Variants in MACROD2 observed in about 807,000 individuals in gnomAD.
MACROD2 encodes the protein ADP-ribose glycohydrolase MACROD2.
In MACROD2, 36 loss-of-function variants were observed where a neutral mutation model predicts 70.4. That is an observed-to-expected ratio of 0.51 (90% CI 0.39 to 0.68). MACROD2 has a LOEUF of 0.68. Among genes scored for constraint, MACROD2 ranks in the 30% least tolerant of loss-of-function variants. The probability of loss-of-function intolerance (pLI) is 0.00; values close to 1 mark genes in which losing one functional copy is unlikely to be tolerated. For missense variants in MACROD2, 496 were observed against 538.4 expected, an observed-to-expected ratio of 0.92 and a Z score of 0.78; for synonymous variants, 172 against 178.8, an observed-to-expected ratio of 0.96 and a Z score of 0.30.
intron 8 of MACROD2, among the ~76,000 whole-genome samples, chr20:15,506,982 G>T (rs1003966377): frequency 6.6e-6 from 1 of 152,112 alleles, no homozygotes; most frequent in Non-Finnish European, 1.5e-5. Context: ...CTTTGAAATG[G>T]TCACATCCTA....
chr20:14,979,531 G>A (rs1028240526), intron 5 of MACROD2, among the ~76,000 whole-genome samples: 1 of 152,106 alleles, frequency 6.6e-6, no homozygotes, highest in Non-Finnish European at 1.5e-5. Context: ...CTTAAAAAGA[G>A]CAAAGTTTAA....
chr20:15,281,812 C>A (rs1304842518), intron 6 of MACROD2, among the ~76,000 whole-genome samples: 1 of 152,176 alleles, frequency 6.6e-6, no homozygotes, highest in Non-Finnish European at 1.5e-5. Context: ...TTAGACAGTG[C>A]CCCAGTGGGG....
At chr20:15,631,885 C>T (rs1198162386) in intron 8 of MACROD2, among the ~76,000 whole-genome samples, 3 of 152,186 alleles carry the variant, frequency 2.0e-5, no homozygotes, top group Non-Finnish European at 4.4e-5. Context: ...CGCCTGTAAT[C>T]CCAGCACTTT....
At chr20:14,677,792 C>CT (rs776879846) in intron 4 of MACROD2, among the ~76,000 whole-genome samples, 3 of 152,098 alleles carry the variant, frequency 2.0e-5, no homozygotes, top group Non-Finnish European at 4.4e-5. Flanking sequence ...GAGAGCTTGG[C>CT]TTTGGGTACT....
intron 5 of MACROD2, among the ~76,000 whole-genome samples, chr20:14,731,551 T>C (rs1433630314): frequency 1.3e-5 from 2 of 152,156 alleles, no homozygotes; most frequent in East Asian, 3.8e-4. Context: ...ATTTGCTAGG[T>C]AGGAGTCTGC....
Position 15,045,746 on chromosome 20 carries a change from C to CTTTTTTTTTTTTAT in MACROD2, c.419-184194_419-184193insTTTTTTTTTTTTAT, listed in dbSNP as rs1555777168. Among the ~76,000 whole-genome samples the CTTTTTTTTTTTTAT allele has an allele frequency of 2.6e-5, 2 of 75,872 alleles. 1 individual carries two copies. The highest frequency in any genetic ancestry group is 2.5e-4 in the Admixed American group (2 of 7,884). 49.8% of individuals were successfully genotyped at this position (75,872 alleles called of 152,430 possible). A position where few individuals can be genotyped will look rare whatever the true frequency, so the allele number is the denominator to read the frequency against. On this transcript the variant is annotated intron_variant, in intron 5 of 17. Coordinates refer to ENST00000684519, the MANE Select transcript of MACROD2 (RefSeq NM_001351661.2). ...TTTTTTTTTTTTTTTTTTTTTTTTCCCTTTCTGATAACACACCACACTTTT... is the reference window on the plus strand; with the variant it reads ...TTTTTTTTTTTTTTTTTTTTTTTTCCTTTTTTTTTTTTATCTTTCTGATAACACACCACACTTTT...
chr20:14,184,031 T>C (rs1274568200), intron 3 of MACROD2, among the ~76,000 whole-genome samples: 1 of 152,216 alleles, frequency 6.6e-6, no homozygotes, highest in Non-Finnish European at 1.5e-5. Context: ...GCAGGAGTTC[T>C]TTAGTTTAAT....
At chr20:15,711,100 G>A (rs903068815) in intron 8 of MACROD2, among the ~76,000 whole-genome samples, 1 of 152,122 alleles carries the variant, frequency 6.6e-6, no homozygotes, top group Non-Finnish European at 1.5e-5. Flanking sequence ...CGGTGTCCCC[G>A]TTTTGAATTC....
chr20:14,018,377 G>T (rs1490074619), intron 2 of MACROD2, among the ~76,000 whole-genome samples: 1 of 151,790 alleles, frequency 6.6e-6, no homozygotes, highest in Non-Finnish European at 1.5e-5. Flanking sequence ...GTTGAAATGA[G>T]ATCTTCTTAT....
At chr20:15,268,315 A>G (rs563709430) in intron 6 of MACROD2, among the ~76,000 whole-genome samples, 22 of 152,214 alleles carry the variant, frequency 1.4e-4, no homozygotes, top group Non-Finnish European at 2.4e-4. Flanking sequence ...CCCAAGAAGC[A>G]TCATTTCTGA....
At chr20:14,203,622 G>T (rs1003201733) in intron 3 of MACROD2, among the ~76,000 whole-genome samples, 21 of 152,326 alleles carry the variant, frequency 1.4e-4, no homozygotes, top group Middle Eastern at 3.4e-3. Context: ...AAGCACAGTA[G>T]TGTAGTCTTC....
chr20:14,469,797 C>T (rs987971258), intron 3 of MACROD2, among the ~76,000 whole-genome samples: 1 of 151,916 alleles, frequency 6.6e-6, no homozygotes, highest in Non-Finnish European at 1.5e-5. Context: ...ATGTTCTTCT[C>T]TAAACTGGTT....
chr20:15,555,824 ATCTC>A (rs2048159167), intron 8 of MACROD2, among the ~76,000 whole-genome samples: 4 of 103,704 alleles, frequency 3.9e-5, no homozygotes, highest in African/African-American at 2.1e-4. Context: ...CTGAGACTCC[ATCTC>A]AAAAAAAAAA....
intron 8 of MACROD2, among the ~76,000 whole-genome samples, chr20:15,707,159 G>A (rs1388127204): frequency 1.3e-5 from 2 of 152,136 alleles, no homozygotes; most frequent in Admixed American, 6.5e-5. Flanking sequence ...GAAAACATCA[G>A]TGGTGCCATA....
chr20:15,284,205 T>A (rs1483200015), intron 6 of MACROD2, among the ~76,000 whole-genome samples: 2 of 152,180 alleles, frequency 1.3e-5, no homozygotes, highest in East Asian at 3.8e-4. Context: ...TCTCTCATTC[T>A]CCAGCCTCCC....
intron 5 of MACROD2, among the ~76,000 whole-genome samples, chr20:15,051,773 G>A (rs1355315871): frequency 2.1e-5 from 3 of 140,708 alleles, no homozygotes; most frequent in Non-Finnish European, 4.5e-5. Context: ...TTTTTTTGAC[G>A]GAGTCTTTCT....
intron 5 of MACROD2, among the ~76,000 whole-genome samples, chr20:15,217,418 T>C (rs374526011): frequency 6.6e-6 from 1 of 152,190 alleles, no homozygotes; most frequent in East Asian, 1.9e-4. Flanking sequence ...GGAAGAAAAG[T>C]AATTTGCCCC....
chr20:15,284,832 A>T (rs1230936296), intron 6 of MACROD2, among the ~76,000 whole-genome samples: 1 of 152,182 alleles, frequency 6.6e-6, no homozygotes, highest in Non-Finnish European at 1.5e-5. Flanking sequence ...TCATCTGTAA[A>T]ATGGGAATAA....
intron 6 of MACROD2, among the ~76,000 whole-genome samples, chr20:15,419,565 CTCT>C (rs746394653): frequency 5.9e-5 from 9 of 152,202 alleles, no homozygotes; most frequent in Admixed American, 3.3e-4. Flanking sequence ...TCATTTAAAC[CTCT>C]TCTTCAGCCC....
Sources: gnomAD v4.1 joint callset for allele counts (sites outside exome capture counted in the v4.1 genomes callset) on GRCh38, gnomAD v4.1.1 for gene constraint, MANE v1.5 for transcripts, NCBI Gene and HGNC (gene_info 2026-07-23, HGNC 2026-07-21) for gene names.